The following SCAMP5 variants were observed in gnomAD, a reference collection of about 807,000 sequenced individuals.
SCAMP5 encodes secretory carrier-associated membrane protein 5.
Under a neutral mutation model 28.3 loss-of-function variants are expected in SCAMP5, and 7 were observed. The observed-to-expected ratio is 0.25, with a 90% CI of 0.14 to 0.46. SCAMP5 has a LOEUF of 0.46. Ranked by LOEUF, SCAMP5 falls within the 20% of genes least tolerant of loss-of-function variation. SCAMP5 has a pLI of 0.99. For missense variants in SCAMP5, 192 were observed against 312.5 expected, an observed-to-expected ratio of 0.61 and a Z score of 2.91; for synonymous variants, 117 against 116.4, an observed-to-expected ratio of 1.00 and a Z score of -0.03.
In SCAMP5 at chr15:75,018,369, T is replaced by C. The variant is rs74023908; in HGVS notation, c.396-49T>C. ...GTCCCTTCCTCTAGCGGGGGGCTCC[T>C]GGGCACCTCTTATCCTGCCCGCAGC... is the stretch of plus-strand genomic sequence containing the variant. On this transcript the variant is annotated intron_variant, in intron 5 of 6. Transcript: ENST00000425597. The surrounding 1 kb of genome is among the most constrained non-coding windows in gnomAD (Gnocchi z 5.6). 0.13 allele frequency: 155,062 copies of C among 1,178,458 alleles called. 18,275 individuals are homozygous for C. The highest frequency in any genetic ancestry group is 0.42 in the South Asian group (34,333 of 82,570). 73.0% of individuals were successfully genotyped at this position (1,178,458 alleles called of 1,614,324 possible). A position where few individuals can be genotyped will look rare whatever the true frequency, so the allele number is the denominator to read the frequency against.
chr15:75,020,652 G>GTC lies in SCAMP5; in HGVS notation c.*1669_*1670insTC, dbSNP rs2065897817. 5.3e-5 allele frequency: 8 copies of GTC among 152,342 alleles called. No homozygotes were observed. The highest frequency in any genetic ancestry group is 1.2e-4 in the Non-Finnish European group (8 of 68,090). The allele number at this position is 152,342 out of a possible 1,614,324, so 9.4% of individuals were successfully genotyped here. A position where few individuals can be genotyped will look rare whatever the true frequency, so the allele number is the denominator to read the frequency against. On this transcript the variant is annotated 3_prime_UTR_variant, in exon 7 of 7. Coordinates refer to ENST00000425597, the MANE Select transcript of SCAMP5 (RefSeq NM_138967.4). ...GGTAGAGGCTCTAGCTGTGTGCGGG[G>GTC]CCTGAAGGGGAGTGGGTTCTCGCCC...
At chr15:75,007,011 T>C (rs1276126617) in intron 1 of SCAMP5, among the ~76,000 whole-genome samples, 1 of 152,176 alleles carries the variant, frequency 6.6e-6, no homozygotes, top group Non-Finnish European at 1.5e-5. Context: ...CAAATTTGGT[T>C]GGTGGTAGCC....
intron 1 of SCAMP5, among the ~76,000 whole-genome samples, chr15:74,999,637 TAAA>T (rs751222985): frequency 8.7e-5 from 13 of 149,712 alleles, no homozygotes; most frequent in African/African-American, 3.0e-4. Context: ...AAAACAAAAA[TAAA>T]AAAACACAAA....
At chr15:75,000,342 T>C (rs1420312109) in intron 1 of SCAMP5, among the ~76,000 whole-genome samples, 4 of 152,092 alleles carry the variant, frequency 2.6e-5, no homozygotes, top group Admixed American at 6.6e-5. Context: ...TAGCTGGGAC[T>C]ACAGGCACAT....
rs1054610180 is a variant in SCAMP5, at chr15:75,021,439, T to C, written c.*2456T>C. 7.9e-5 allele frequency: 12 copies of C among 152,266 alleles called. No individual in the cohort carries two copies. Among genetic ancestry groups the C allele is most frequent in the African/African-American group, 2.9e-4 (12 of 41,450 alleles). 9.4% of individuals were successfully genotyped at this position (152,266 alleles called of 1,614,324 possible). A position where few individuals can be genotyped will look rare whatever the true frequency, so the allele number is the denominator to read the frequency against. On this transcript the variant is annotated 3_prime_UTR_variant, in exon 7 of 7. Transcript: ENST00000425597. Reference sequence around the variant, plus strand: ...CTGGCAGTTGAGCTGCCTGAGCCAATGTGTCTGTCTTTGGTAACTGAGTGA... The same window carrying C: ...CTGGCAGTTGAGCTGCCTGAGCCAACGTGTCTGTCTTTGGTAACTGAGTGA...
intron 1 of SCAMP5, among the ~76,000 whole-genome samples, chr15:75,006,456 T>C (rs2065760450): frequency 6.6e-6 from 1 of 151,530 alleles, no homozygotes; most frequent in South Asian, 2.1e-4. Context: ...AGTTCAAGAC[T>C]AGCCTGGCCA....
chr15:75,017,558 TG>T, intron 4 of SCAMP5: 1 of 549,790 alleles, frequency 1.8e-6, no homozygotes, highest in African/African-American at 1.9e-5. Flanking sequence ...TCCATCCCCT[TG>T]ACAATGAGAC....
In SCAMP5 at chr15:75,006,744, T is replaced by A. The variant is rs185986730; in HGVS notation, c.-48-5048T>A. Among the ~76,000 whole-genome samples the A allele has an allele frequency of 5.4e-3, 801 of 147,828 alleles. 5 individuals carry two copies. The highest frequency in any genetic ancestry group is 0.019 in the African/African-American group (769 of 39,678). On this transcript the variant is annotated intron_variant, in intron 1 of 6. Transcript: ENST00000425597. ...GAGCCGAGATCACGCCGCTGCACTC[T>A]GGCCTGGGTGACAGAGCGAGACTCC...
intron 1 of SCAMP5, among the ~76,000 whole-genome samples, chr15:75,006,774 CA>C (rs111681986): frequency 0.22 from 25,952 of 115,770 alleles, 3,742 homozygotes; most frequent in South Asian, 0.46. Flanking sequence ...GACTCCATCT[CA>C]AAAAAAAAAA....
chr15:75,018,120 C>T lies in SCAMP5; in HGVS notation c.395+149C>T. On this transcript the variant is annotated intron_variant, in intron 5 of 6. Transcript: ENST00000425597. The surrounding 1 kb of genome is among the most constrained non-coding windows in gnomAD (Gnocchi z 5.6). ...GAGGATTCGGGATAGTGTAGTAGTA[C>T]AACCATAGCATCAGAGGGAAGGAGA... The T allele has an allele frequency of 1.6e-6, 1 of 628,194 alleles. No homozygotes were observed. The highest frequency in any genetic ancestry group is 1.9e-5 in the South Asian group (1 of 53,148). The allele number at this position is 628,194 out of a possible 1,614,324, so 38.9% of individuals were successfully genotyped here.
Position 75,018,068 on chromosome 15 carries a change from C to G in SCAMP5, c.395+97C>G. 1 of 754,408 alleles carries G rather than the reference C, an allele frequency of 1.3e-6. No individual in the cohort carries two copies. Among genetic ancestry groups the G allele is most frequent in the Admixed American group, 2.0e-5 (1 of 49,470 alleles). The allele number at this position is 754,408 out of a possible 1,614,324, so 46.7% of individuals were successfully genotyped here. A position where few individuals can be genotyped will look rare whatever the true frequency, so the allele number is the denominator to read the frequency against. On this transcript the variant is annotated intron_variant, in intron 5 of 6. Transcript: ENST00000425597. The surrounding 1 kb of genome is among the most constrained non-coding windows in gnomAD (Gnocchi z 5.6). Reference sequence around the variant, plus strand: ...TGCTAAGCTGTCTAGCCTATGGGGCCTGAGTGATGGGTTGTTGGGAGAGTG... The same window carrying G: ...TGCTAAGCTGTCTAGCCTATGGGGCGTGAGTGATGGGTTGTTGGGAGAGTG...
At chr15:75,013,691 A>G (rs2065834253) in intron 3 of SCAMP5, among the ~76,000 whole-genome samples, 1 of 152,138 alleles carries the variant, frequency 6.6e-6, no homozygotes, top group South Asian at 2.1e-4. Flanking sequence ...AGCTGGGAAT[A>G]GTGGCACATG....
Position 75,002,087 on chromosome 15 carries a change from T to C in SCAMP5, c.-49+6414T>C, listed in dbSNP as rs201930053. Among the ~76,000 whole-genome samples the C allele has an allele frequency of 7.2e-5, 11 of 151,916 alleles. No individual in the cohort carries two copies. In the East Asian group the frequency reaches 2.1e-3, roughly 29 times the overall value. Reference sequence around the variant, plus strand: ...CACCACCGCACTCCAGGCTGGGCAATAGAGTGAGACCCTGTCTCAAATAAA... The same window carrying C: ...CACCACCGCACTCCAGGCTGGGCAACAGAGTGAGACCCTGTCTCAAATAAA... On this transcript the variant is annotated intron_variant, in intron 1 of 6. Transcript: ENST00000425597.
Position 75,019,265 on chromosome 15 carries a change from G to T in SCAMP5, c.*282G>T. 1 of 223,814 alleles carries T rather than the reference G, an allele frequency of 4.5e-6. No homozygotes were observed. The highest frequency in any genetic ancestry group is 8.6e-6 in the Non-Finnish European group (1 of 116,548). The allele number at this position is 223,814 out of a possible 1,614,324, so 13.9% of individuals were successfully genotyped here. ...CCTCGTGAAATAGTGTGCAGTGGAGGTCTCTTGTGGTGCTAGATGTGTGTT... is the reference window on the plus strand; with the variant it reads ...CCTCGTGAAATAGTGTGCAGTGGAGTTCTCTTGTGGTGCTAGATGTGTGTT... On this transcript the variant is annotated 3_prime_UTR_variant, in exon 7 of 7. Coordinates refer to ENST00000425597, the MANE Select transcript of SCAMP5 (RefSeq NM_138967.4).
At chr15:75,013,825 C>T (rs2065835450) in intron 3 of SCAMP5, among the ~76,000 whole-genome samples, 1 of 152,216 alleles carries the variant, frequency 6.6e-6, no homozygotes, top group South Asian at 2.1e-4. Context: ...AAGAGCCTGC[C>T]TCTAAAAAAA....
rs566853914 is a variant in SCAMP5, at chr15:74,996,973, C to A, written c.-49+1300C>A. On this transcript the variant is annotated intron_variant, in intron 1 of 6. Transcript: ENST00000425597. This position sits in a 1 kb window ranked among gnomAD's most constrained non-coding sequence, Gnocchi z 4.1. ...CCAGGAGGGGAGTTCTAGAGAGAGA[C>A]CTTGGGCTCTGTGGCTGTTTCTTTA... 1.3e-5 allele frequency among the ~76,000 whole-genome samples: 2 copies of A among 152,026 alleles called. No homozygotes were observed. The highest frequency in any genetic ancestry group is 2.9e-5 in the Non-Finnish European group (2 of 67,982).
chr15:75,021,462 T>G lies in SCAMP5; in HGVS notation c.*2479T>G, dbSNP rs2065903383. 1 of 152,112 alleles carries G rather than the reference T, an allele frequency of 6.6e-6. No individual in the cohort carries two copies. The highest frequency in any genetic ancestry group is 1.5e-5 in the Non-Finnish European group (1 of 68,042). The allele number at this position is 152,112 out of a possible 1,614,324, so 9.4% of individuals were successfully genotyped here. On this transcript the variant is annotated 3_prime_UTR_variant, in exon 7 of 7. Coordinates refer to ENST00000425597, the MANE Select transcript of SCAMP5 (RefSeq NM_138967.4). ...AATGTGTCTGTCTTTGGTAACTGAG[T>G]GAACCATAATAAAGGGGAACATTTG...
intron 1 of SCAMP5, chr15:74,995,892 C>T (rs2141416202): frequency 6.5e-6 from 1 of 153,926 alleles, no homozygotes; most frequent in South Asian, 2.1e-4. Context: ...CCGAGCCCCC[C>T]AAGCCCCCCC....
intron 3 of SCAMP5, among the ~76,000 whole-genome samples, chr15:75,014,830 G>A (rs2065845278): frequency 6.6e-6 from 1 of 152,180 alleles, no homozygotes; most frequent in South Asian, 2.1e-4. Flanking sequence ...GTTGGACTGG[G>A]GAGAGATGTG....
Sources: gnomAD v4.1 joint callset for allele counts (sites outside exome capture counted in the v4.1 genomes callset) on GRCh38, gnomAD v4.1.1 for gene constraint, Gnocchi (gnomAD v3.1) non-coding constraint, MANE v1.5 for transcripts, NCBI Gene and HGNC (gene_info 2026-07-23, HGNC 2026-07-21) for gene names.